CRISP2: variants seen among roughly 807,000 people sequenced by gnomAD.
CRISP2 encodes the protein cysteine-rich secretory protein 2.
In CRISP2, 29 loss-of-function variants were observed where a neutral mutation model predicts 31.7. The ratio of observed to expected loss-of-function variants is 0.92; its 90% CI spans 0.68 to 1.25. CRISP2 has a LOEUF of 1.25. Ranked by LOEUF, CRISP2 falls within the 50% of genes most tolerant of loss-of-function variation. CRISP2 has a pLI of 0.00. For synonymous variants in CRISP2, 111 were observed against 101.4 expected, an observed-to-expected ratio of 1.09 and a Z score of -0.57; for missense variants, 318 against 286.5, an observed-to-expected ratio of 1.11 and a Z score of -0.79.
At chr6:49,708,671 A>C (rs887998295) in intron 4 of CRISP2, among the ~76,000 whole-genome samples, 6 of 152,190 alleles carry the variant, frequency 3.9e-5, no homozygotes, top group African/African-American at 1.2e-4. Context: ...TCTGGCCTCC[A>C]TAACTGTGAG....
intron 8 of CRISP2, 95 bp from the exon 9 acceptor site, chr6:49,696,019 G>A (rs1450778038): frequency 4.4e-6 from 3 of 678,314 alleles, no homozygotes; most frequent in Non-Finnish European, 4.8e-6. Context: ...AGTTATTCAG[G>A]GTTTTTAGTA....
intron 8 of CRISP2, 39 bp from the exon 9 acceptor site, chr6:49,695,963 C>A (rs1764670141): frequency 7.5e-7 from 1 of 1,332,634 alleles, no homozygotes; most frequent in Non-Finnish European, 1.1e-6. Flanking sequence ...TTTCACTTTA[C>A]TGTTTATACT....
chr6:49,710,141 GAT>G (rs1462010295), intron 3 of CRISP2, among the ~76,000 whole-genome samples: 1 of 152,160 alleles, frequency 6.6e-6, no homozygotes, highest in Non-Finnish European at 1.5e-5. Context: ...ATTTATCTGT[GAT>G]GCTTCTCAGG....
At chr6:49,689,847 C>T (rs1350208169), downstream of CRISP2, among the ~76,000 whole-genome samples, 1 of 152,010 alleles carries the variant, frequency 6.6e-6, no homozygotes, top group Non-Finnish European at 1.5e-5. Context: ...TAAATTCACC[C>T]TCTTCCACAT....
chr6:49,686,999 A>G, the CRISP2 span, among the ~76,000 whole-genome samples: 123 of 152,226 alleles, frequency 8.1e-4, 1 homozygote, highest in East Asian at 7.8e-3. Context: ...TGGGAATTGA[A>G]CAATGAGAAC....
At chr6:49,701,888 TATA>T (rs1488909758) in intron 4 of CRISP2, among the ~76,000 whole-genome samples, 2 of 89,834 alleles carry the variant, frequency 2.2e-5, no homozygotes, top group African/African-American at 9.1e-5. Flanking sequence ...TTATATATTA[TATA>T]TTATTATATA....
At chr6:49,685,738 A>G in the CRISP2 span, among the ~76,000 whole-genome samples, 90,352 of 152,050 alleles carry the variant, frequency 0.59, 27,449 homozygotes, top group East Asian at 0.8. Flanking sequence ...TATAATACTC[A>G]TTAGGTCGGC....
rs554838596 is a variant in CRISP2, at chr6:49,710,728, A to T, written c.-10+557T>A. On this transcript the variant is annotated intron_variant, in intron 3 of 9. Coordinates refer to ENST00000339139, the MANE Select transcript of CRISP2 (RefSeq NM_003296.4). ...AATGTAAAAAATTTTTACATATCAA[A>T]TTTTTTTGTGTGTGTGCGTAATATT... 2.5e-3 allele frequency among the ~76,000 whole-genome samples: 382 copies of T among 152,174 alleles called. 3 individuals carry two copies. The highest frequency in any genetic ancestry group is 0.017 in the Middle Eastern group (5 of 294).
chr6:49,711,360 A>G (rs1309394103), intron 2 of CRISP2, 39 bp from the exon 3 acceptor site: 4 of 152,200 alleles, frequency 2.6e-5, no homozygotes, highest in Non-Finnish European at 4.4e-5. Flanking sequence ...AGAGCAGCAT[A>G]TATATTACAC....
chr6:49,692,168 T>A (rs1188120327), downstream of CRISP2, among the ~76,000 whole-genome samples: 2 of 152,180 alleles, frequency 1.3e-5, no homozygotes, highest in Non-Finnish European at 2.9e-5. Flanking sequence ...AATTTTTTGT[T>A]AAAATTTAAC....
the CRISP2 span, among the ~76,000 whole-genome samples, chr6:49,678,501 G>A: frequency 2.6e-5 from 4 of 152,056 alleles, no homozygotes; most frequent in Non-Finnish European, 4.4e-5. Context: ...ACAAAAGAAA[G>A]TTATTTATAA....
chr6:49,705,130 G>A (rs746540859), intron 4 of CRISP2, among the ~76,000 whole-genome samples: 4 of 152,116 alleles, frequency 2.6e-5, no homozygotes, highest in Non-Finnish European at 5.9e-5. Context: ...ACCATCATGT[G>A]TGGGCAGGAT....
chr6:49,696,078 C>G (rs748872766), intron 8 of CRISP2, among the ~76,000 whole-genome samples, 154 bp from the exon 9 acceptor site: 3 of 152,150 alleles, frequency 2.0e-5, no homozygotes, highest in African/African-American at 4.8e-5. Context: ...TTTCAGATAA[C>G]AATCCAAATT....
intron 7 of CRISP2, 37 bp from the exon 8 acceptor site, chr6:49,697,994 A>G (rs1225782442): frequency 2.1e-6 from 3 of 1,434,226 alleles, no homozygotes; most frequent in South Asian, 2.7e-5. Context: ...ATAAAAGTAC[A>G]TTAGAGAAGA....
intron 2 of CRISP2, among the ~76,000 whole-genome samples, chr6:49,712,086 CT>C (rs1768116123): frequency 6.6e-6 from 1 of 152,176 alleles, no homozygotes. Context: ...TCAGTATAAT[CT>C]AATTCGAGAT....
intron 4 of CRISP2, among the ~76,000 whole-genome samples, chr6:49,702,227 G>A (rs189134830): frequency 5.0e-4 from 66 of 132,308 alleles, no homozygotes; most frequent in African/African-American, 1.7e-3. Flanking sequence ...ACTCGGGCTG[G>A]TTCTATATTT....
At chr6:49,690,091 G>A (rs775404730), downstream of CRISP2, among the ~76,000 whole-genome samples, 1 of 152,036 alleles carries the variant, frequency 6.6e-6, no homozygotes, top group Non-Finnish European at 1.5e-5. Flanking sequence ...CATATTGTTT[G>A]CTTATCAAAA....
chr6:49,687,832 C>A (rs1464327780), downstream of CRISP2, among the ~76,000 whole-genome samples: 2 of 152,176 alleles, frequency 1.3e-5, no homozygotes, highest in Admixed American at 6.5e-5. Context: ...TGCTTCAGTT[C>A]CACTGTGGTA....
chr6:49,686,096 AT>A, the CRISP2 span, among the ~76,000 whole-genome samples: 1 of 152,134 alleles, frequency 6.6e-6, no homozygotes, highest in African/African-American at 2.4e-5. Context: ...TGTATTTATC[AT>A]TTTTTAATAC....
Sources: allele counts gnomAD v4.1 joint callset (sites outside exome capture counted in the v4.1 genomes callset), GRCh38; gene constraint gnomAD v4.1.1; transcripts MANE v1.5; gene names NCBI Gene and HGNC (gene_info 2026-07-23, HGNC 2026-07-21).